The following MAGI2 variants were observed in gnomAD, a reference collection of about 807,000 sequenced individuals.
The protein encoded by MAGI2 is membrane-associated guanylate kinase, WW and PDZ domain-containing protein 2.
In MAGI2, 35 loss-of-function variants were observed where a neutral mutation model predicts 133.3. That is an observed-to-expected ratio of 0.26 (90% CI 0.20 to 0.35). The LOEUF is 0.35. Among genes scored for constraint, MAGI2 ranks in the 10% least tolerant of loss-of-function variants. The probability of loss-of-function intolerance (pLI) is 1.00; values close to 1 mark genes in which losing one functional copy is unlikely to be tolerated. For missense variants in MAGI2, 1,636 were observed against 1,863.4 expected (o/e 0.88, Z 2.25); for synonymous variants, 729 against 710.6 (o/e 1.03, Z -0.41).
intron 1 of MAGI2, among the ~76,000 whole-genome samples, chr7:79,274,377 A>G (rs547443190): frequency 2.0e-5 from 3 of 152,072 alleles, no homozygotes; most frequent in African/African-American, 7.2e-5. Context: ...GTTAGAGACT[A>G]GAGGGGGCTA....
intron 2 of MAGI2, among the ~76,000 whole-genome samples, chr7:78,648,443 T>A (rs559100515): frequency 1.3e-5 from 2 of 152,364 alleles, no homozygotes; most frequent in Non-Finnish European, 2.9e-5. Context: ...ATACAACAGC[T>A]GAAACCTGAA....
chr7:78,869,354 C>A lies in MAGI2; in HGVS notation c.418+137736G>T, dbSNP rs145769305. On this transcript the variant is annotated intron_variant, in intron 2 of 21. Coordinates refer to ENST00000354212, the MANE Select transcript of MAGI2 (RefSeq NM_012301.4). Reference sequence around the variant, plus strand: ...TTATCTTCTAGAATTTTTATGGGTTCAGGTTTTAGATGTAAATCTTTGATC... The same window carrying A: ...TTATCTTCTAGAATTTTTATGGGTTAAGGTTTTAGATGTAAATCTTTGATC... Among the ~76,000 whole-genome samples the A allele has an allele frequency of 2.7e-3, 417 of 152,176 alleles. 6 individuals are homozygous for A. The highest frequency in any genetic ancestry group is 0.011 in the Admixed American group (165 of 15,272).
intron 2 of MAGI2, among the ~76,000 whole-genome samples, chr7:78,932,717 A>G (rs903213099): frequency 3.9e-5 from 6 of 152,128 alleles, no homozygotes; most frequent in African/African-American, 1.2e-4. Flanking sequence ...ACATAGTATT[A>G]AATTTGTAAA....
At chr7:78,600,079 A>C (rs1303934083) in intron 3 of MAGI2, among the ~76,000 whole-genome samples, 1 of 152,112 alleles carries the variant, frequency 6.6e-6, no homozygotes, top group Non-Finnish European at 1.5e-5. Context: ...TTTCTTAAAA[A>C]CCAATAAAAT....
At chr7:78,501,962 C>T (rs898621391) in intron 4 of MAGI2, among the ~76,000 whole-genome samples, 175 bp from the exon 5 acceptor site, 2 of 152,112 alleles carry the variant, frequency 1.3e-5, no homozygotes, top group Non-Finnish European at 2.9e-5. Context: ...TCCTTTCACT[C>T]GTCATTGTCA....
chr7:79,193,511 T>G (rs748614165), intron 1 of MAGI2, among the ~76,000 whole-genome samples: 3 of 151,968 alleles, frequency 2.0e-5, no homozygotes, highest in Non-Finnish European at 4.4e-5. Context: ...TTTTAGCCAT[T>G]CTACATACAA....
intron 14 of MAGI2, among the ~76,000 whole-genome samples, chr7:78,169,790 T>C (rs1048215851): frequency 1.3e-5 from 2 of 152,250 alleles, no homozygotes; most frequent in Non-Finnish European, 2.9e-5. Flanking sequence ...GGCTGCACAG[T>C]GCAGTTCTTT....
At chr7:78,739,772 C>T (rs1449653104) in intron 2 of MAGI2, among the ~76,000 whole-genome samples, 2 of 152,186 alleles carry the variant, frequency 1.3e-5, no homozygotes, top group South Asian at 2.1e-4. Context: ...TAATAGGCGC[C>T]GCAAATCAGT....
At chr7:78,626,110 C>G (rs1406992862) in intron 3 of MAGI2, among the ~76,000 whole-genome samples, 1 of 152,128 alleles carries the variant, frequency 6.6e-6, no homozygotes, top group Non-Finnish European at 1.5e-5. Context: ...ATAGGCTAAG[C>G]AGCAAAGTAT....
At chr7:78,337,320 G>T (rs917889392) in intron 9 of MAGI2, among the ~76,000 whole-genome samples, 3 of 152,190 alleles carry the variant, frequency 2.0e-5, no homozygotes, top group Non-Finnish European at 2.9e-5. Context: ...CTCAGTGATT[G>T]TCAATAAGCA....
intron 2 of MAGI2, among the ~76,000 whole-genome samples, chr7:78,821,404 T>A (rs1201710557): frequency 6.6e-6 from 1 of 151,940 alleles, no homozygotes; most frequent in African/African-American, 2.4e-5. Context: ...CAATAACAGG[T>A]TGATAAGTAT....
At chr7:79,306,333 T>C (rs1346295587) in intron 1 of MAGI2, among the ~76,000 whole-genome samples, 2 of 147,818 alleles carry the variant, frequency 1.4e-5, no homozygotes, top group African/African-American at 4.9e-5. Flanking sequence ...TGTATATATA[T>C]ATATATTTGT....
At chr7:78,945,313 C>T (rs368132102) in intron 2 of MAGI2, among the ~76,000 whole-genome samples, 15 of 152,222 alleles carry the variant, frequency 9.9e-5, no homozygotes, top group African/African-American at 3.4e-4. Context: ...CTACCCACCT[C>T]GGCCTCACAA....
chr7:78,876,994 T>G (rs1296883087), intron 2 of MAGI2, among the ~76,000 whole-genome samples: 1 of 152,210 alleles, frequency 6.6e-6, no homozygotes, highest in Non-Finnish European at 1.5e-5. Context: ...GCTTTGGTCA[T>G]CTGGACCCCC....
chr7:79,147,092 A>G (rs1358952916), intron 1 of MAGI2, among the ~76,000 whole-genome samples: 1 of 152,226 alleles, frequency 6.6e-6, no homozygotes, highest in Admixed American at 6.5e-5. Context: ...TGAACTGTCT[A>G]TGCTTCACTT....
intron 3 of MAGI2, among the ~76,000 whole-genome samples, chr7:78,565,079 A>C (rs1021831572): frequency 1.3e-5 from 2 of 151,554 alleles, no homozygotes; most frequent in Non-Finnish European, 2.9e-5. Flanking sequence ...AGGTGTGAGC[A>C]CCGCGCCCGG....
intron 2 of MAGI2, among the ~76,000 whole-genome samples, chr7:78,854,332 A>G (rs1258606511): frequency 1.3e-5 from 2 of 152,166 alleles, no homozygotes; most frequent in African/African-American, 4.8e-5. Flanking sequence ...GTATCTTATG[A>G]GATAAATGAC....
Position 78,330,167 on chromosome 7 carries a change from T to C in MAGI2, c.1408+13611A>G, listed in dbSNP as rs1382209292. Reference sequence around the variant, plus strand: ...CATGTGCCATGACCTAAGTATTTTATATATAATAACACATCTGGTGAGATG... The same window carrying C: ...CATGTGCCATGACCTAAGTATTTTACATATAATAACACATCTGGTGAGATG... On this transcript the variant is annotated intron_variant, in intron 9 of 21. Coordinates refer to ENST00000354212, the MANE Select transcript of MAGI2 (RefSeq NM_012301.4). Among the ~76,000 whole-genome samples the C allele has an allele frequency of 3.3e-5, 5 of 152,300 alleles. No individual in the cohort carries two copies. In the East Asian group the frequency reaches 5.8e-4, roughly 18 times the overall value.
intron 10 of MAGI2, among the ~76,000 whole-genome samples, chr7:78,223,721 T>C (rs1052122192): frequency 5.9e-5 from 9 of 152,202 alleles, no homozygotes; most frequent in African/African-American, 2.2e-4. Context: ...ATGGCCAATA[T>C]TTTATACTGC....
Sources: allele counts gnomAD v4.1 joint callset (sites outside exome capture counted in the v4.1 genomes callset), GRCh38; gene constraint gnomAD v4.1.1; transcripts MANE v1.5; gene names NCBI Gene and HGNC (gene_info 2026-07-23, HGNC 2026-07-21).